The following GAK variants were observed in gnomAD, a reference collection of about 807,000 sequenced individuals.
The protein encoded by GAK is cyclin G associated kinase.
In GAK, 79 loss-of-function variants were observed where a neutral mutation model predicts 143.9. The observed-to-expected ratio is 0.55, with a 90% CI of 0.46 to 0.66. The LOEUF is 0.66. GAK is among the 30% of genes least tolerant of loss of function. The pLI is 0.00. For missense variants in GAK, 1,693 were observed against 1,779.7 expected (o/e 0.95, Z 0.88); for synonymous variants, 881 against 765.5 (o/e 1.15, Z -2.49).
chr4:866,824 C>T, intron 21 of GAK, 132 bp downstream of exon 21: 4 of 745,374 alleles, frequency 5.4e-6, no homozygotes, highest in Non-Finnish European at 8.7e-6. Flanking sequence ...CGAGGCTGCT[C>T]CTGGGGGAGG....
chr4:865,564 C>T (rs895387537), intron 22 of GAK, among the ~76,000 whole-genome samples: 3 of 152,232 alleles, frequency 2.0e-5, no homozygotes, highest in South Asian at 4.1e-4. Flanking sequence ...CCTGCGTTCC[C>T]GCCTCTCCTA....
At chr4:897,607 C>A (rs1719039704) in intron 6 of GAK, among the ~76,000 whole-genome samples, 1 of 152,152 alleles carries the variant, frequency 6.6e-6, no homozygotes, top group Non-Finnish European at 1.5e-5. Flanking sequence ...ATGGATGGGG[C>A]CACCCTGTGT....
At chr4:881,238 C>T (rs1715042799) in intron 15 of GAK, among the ~76,000 whole-genome samples, 1 of 152,222 alleles carries the variant, frequency 6.6e-6, no homozygotes, top group African/African-American at 2.4e-5. Flanking sequence ...GCTCCTGGGC[C>T]CTAACCCTTG....
At chr4:898,267 C>G in intron 5 of GAK, 109 bp from the exon 6 acceptor site, 1 of 1,301,468 alleles carries the variant, frequency 7.7e-7, no homozygotes, top group Non-Finnish European at 1.1e-6. Flanking sequence ...AGACAGCACT[C>G]GCCCAGGGCC....
chr4:865,235 G>C lies in GAK; in HGVS notation c.3053C>G (p.Pro1018Arg). ...SADFLHLGDL[P>R]GEPSKMTASS... is the part of the protein sequence containing the mutation. Reference sequence around the variant, plus strand: ...GGCTGTCATCTTGCTGGGCTCTCCTGGCAGATCCCCTGGGAAGAAGGAACC... The same window carrying C: ...GGCTGTCATCTTGCTGGGCTCTCCTCGCAGATCCCCTGGGAAGAAGGAACC... The change falls in exon 23 of 28, where the codon CCA becomes CGA. Residue 1018 changes from proline to arginine, a missense_variant. Coordinates refer to ENST00000314167, the MANE Select transcript of GAK (RefSeq NM_005255.4). 6.2e-7 allele frequency: 1 copy of C among 1,613,438 alleles called. No homozygotes were observed. The highest frequency in any genetic ancestry group is 1.1e-5 in the South Asian group (1 of 91,034).
At chr4:858,870 A>T (rs1448006646) in intron 24 of GAK, among the ~76,000 whole-genome samples, 2 of 152,218 alleles carry the variant, frequency 1.3e-5, no homozygotes, top group Non-Finnish European at 2.9e-5. Flanking sequence ...GCAGGAGCAG[A>T]TGCCATAGCC....
At chr4:912,291 G>T in intron 3 of GAK, 1 of 403,982 alleles carries the variant, frequency 2.5e-6, no homozygotes, top group Non-Finnish European at 5.1e-6. Flanking sequence ...GTCAGCGCCG[G>T]GAGATGCCCC....
rs149742374 is a variant in GAK, at chr4:849,977, G to A, written c.3749C>T (p.Thr1250Met). ...CACCAGGTCGGCCATGCCCACGGGC[G>A]TCCAGCGGCTCTCCCCGTCCCACAG... Reference protein sequence around the residue: ...TVLWDGESRWTPVGMADLVAP... With the variant: ...TVLWDGESRWMPVGMADLVAP... Residue 1250 changes from threonine (T) to methionine (M), a missense_variant, in exon 27 of 28, where the codon ACG (threonine) becomes ATG (methionine). Around this residue, in one of 2 missense-constraint regions of GAK, gnomAD observed 822 missense variants for 788.7 expected, o/e 1.04. Transcript: ENST00000314167. 142 of 1,611,866 alleles carry A rather than the reference G, an allele frequency of 8.8e-5. 1 individual carries two copies. The highest frequency in any genetic ancestry group is 4.5e-4 in the East Asian group (20 of 44,810).
intron 1 of GAK, among the ~76,000 whole-genome samples, chr4:926,884 ACCCC>A (rs1394578204): frequency 6.1e-4 from 12 of 19,628 alleles, no homozygotes; most frequent in South Asian, 3.1e-3. Context: ...AACCCCCCCC[ACCCC>A]GCTCACCTGC....
At position 891,718 on chromosome 4, in the gene GAK, C is replaced by T. The variant is rs183861011; in HGVS notation, c.991-1096G>A. On this transcript the variant is annotated intron_variant, in intron 9 of 27. Transcript: ENST00000314167. Reference sequence around the variant, plus strand: ...AAAGCAAGAGGCCCACACCCCCCTGCGAGCCCACTGTCCTCTGTGACCTCC... The same window carrying T: ...AAAGCAAGAGGCCCACACCCCCCTGTGAGCCCACTGTCCTCTGTGACCTCC... Among the ~76,000 whole-genome samples the T allele has an allele frequency of 3.9e-4, 60 of 152,256 alleles. No homozygotes were observed. The East Asian group carries it at 7.5e-3, about 19-fold the overall frequency.
chr4:849,834 A>ACCCCCCCCCCCCCCC (rs33919242), intron 27 of GAK, 58 bp downstream of exon 27: 13 of 948,376 alleles, frequency 1.4e-5, no homozygotes, highest in African/African-American at 4.0e-5. Flanking sequence ...GCGGGGCAGG[A>ACCCCCCCCCCCCCCC]CCCCCCCCCC....
At chr4:853,147 TCTAG>T (rs1021046131) in intron 24 of GAK, 1 of 152,128 alleles carries the variant, frequency 6.6e-6, no homozygotes, top group African/African-American at 2.4e-5. Flanking sequence ...TTAGTTATGT[TCTAG>T]AAGGGGACCA....
At chr4:875,027 C>T (rs1489660119) in intron 18 of GAK, among the ~76,000 whole-genome samples, 1 of 152,166 alleles carries the variant, frequency 6.6e-6, no homozygotes, top group Non-Finnish European at 1.5e-5. Flanking sequence ...CATCTGTCTC[C>T]TTTTTATGTT....
chr4:909,363 C>T (rs1577271586), intron 4 of GAK, among the ~76,000 whole-genome samples: 2 of 152,208 alleles, frequency 1.3e-5, no homozygotes, highest in Admixed American at 6.5e-5. Context: ...AAAACAGTGC[C>T]ATGAACAACA....
intron 5 of GAK, among the ~76,000 whole-genome samples, chr4:898,933 C>A (rs753787264): frequency 2.0e-5 from 3 of 152,202 alleles, no homozygotes; most frequent in Non-Finnish European, 4.4e-5. Flanking sequence ...CACATTACAC[C>A]TTCTGGCGCA....
chr4:850,891 G>T, intron 26 of GAK, 45 bp downstream of exon 26: 1 of 1,591,918 alleles, frequency 6.3e-7, no homozygotes, highest in South Asian at 1.1e-5. Flanking sequence ...AGGGGCCATG[G>T]GTTGAGGCCT....
In GAK at chr4:851,863, G is replaced by GGACATGAGGC. The variant is rs1220894973; in HGVS notation, c.3394_3395insGCCTCATGTC (p.Pro1132ArgfsTer20). 2 of 1,608,858 alleles carry GGACATGAGGC rather than the reference G, an allele frequency of 1.2e-6. No homozygotes were observed. Among genetic ancestry groups the GGACATGAGGC allele is most frequent in the African/African-American group, 2.7e-5 (2 of 74,780 alleles). ...TTTGGGGGGCGGCTTGGCCTGAGGG[G>GGACATGAGGC]GCCATGAGGCGCCCTGGGCTGGCGG... On this transcript the variant is annotated frameshift_variant, in exon 25 of 28. Coordinates refer to ENST00000314167, the MANE Select transcript of GAK (RefSeq NM_005255.4). LOFTEE classifies it high-confidence loss of function.
chr4:878,734 T>C (rs1345341412), intron 15 of GAK, among the ~76,000 whole-genome samples: 2 of 152,224 alleles, frequency 1.3e-5, no homozygotes, highest in Non-Finnish European at 1.5e-5. Context: ...TCTCTGACCT[T>C]GGTAGCACAG....
At chr4:890,477 C>A in intron 10 of GAK, 55 bp downstream of exon 10, 2 of 1,368,578 alleles carry the variant, frequency 1.5e-6, no homozygotes, top group Non-Finnish European at 2.0e-6. Context: ...GCTGCGGGTG[C>A]CCGGGGTGCA....
Sources: gnomAD v4.1 joint callset for allele counts (sites outside exome capture counted in the v4.1 genomes callset) on GRCh38, gnomAD v4.1.1 for gene constraint, gnomAD v4.1.1 regional missense constraint, MANE v1.5 for transcripts, NCBI Gene and HGNC (gene_info 2026-07-23, HGNC 2026-07-21) for gene names.